Variants in FAM200B observed in about 807,000 individuals in gnomAD.
FAM200B encodes the protein zinc finger BED-type containing 11, also known as protein FAM200B.
Under a neutral mutation model 33.1 loss-of-function variants are expected in FAM200B, and 32 were observed. That is an observed-to-expected ratio of 0.97 (90% confidence interval 0.73 to 1.30). The LOEUF (loss-of-function observed/expected upper bound fraction) is 1.30, where lower values mean the gene tolerates loss of function less well. FAM200B is among the 50% of genes most tolerant of loss of function. FAM200B has a pLI of 0.00. For synonymous variants in FAM200B, 240 were observed against 264.8 expected, an observed-to-expected ratio of 0.91 and a Z score of 0.91; for missense variants, 741 against 754.0, an observed-to-expected ratio of 0.98 and a Z score of 0.20.
chr4:15,667,277 C>A, the FAM200B span, among the ~76,000 whole-genome samples: 1 of 152,146 alleles, frequency 6.6e-6, no homozygotes, highest in South Asian at 2.1e-4. Context: ...GTACAAGTAC[C>A]TAGTCCAATG....
chr4:15,664,325 T>C, the FAM200B span, among the ~76,000 whole-genome samples: 4 of 152,020 alleles, frequency 2.6e-5, no homozygotes, highest in African/African-American at 9.7e-5. Flanking sequence ...ATTTCAATCC[T>C]TGCACCAAAC....
At chr4:15,643,906 T>A in the FAM200B span, among the ~76,000 whole-genome samples, 2 of 152,204 alleles carry the variant, frequency 1.3e-5, no homozygotes, top group Non-Finnish European at 2.9e-5. Flanking sequence ...GTGAGTAGCA[T>A]TCATTATAAA....
the FAM200B span, among the ~76,000 whole-genome samples, chr4:15,670,559 T>G: frequency 6.6e-6 from 1 of 152,182 alleles, no homozygotes; most frequent in Non-Finnish European, 1.5e-5. Flanking sequence ...TTCAACAACC[T>G]TTAGCTTTTA....
In FAM200B at chr4:15,687,267, G is replaced by C. The variant is rs1009818963; in HGVS notation, c.290G>C (p.Ser97Thr). 6.5e-7 allele frequency: 1 copy of C among 1,547,856 alleles called. No homozygotes were observed. Among genetic ancestry groups the C allele is most frequent in the Non-Finnish European group, 8.7e-7 (1 of 1,145,646 alleles). Residue 97 changes from serine (S) to threonine (T), a missense_variant, in exon 2 of 2, where the codon AGC becomes ACC. By Grantham distance (58) the Ser-to-Thr change is moderately conservative (BLOSUM62 1). Coordinates refer to ENST00000422728, the MANE Select transcript of FAM200B (RefSeq NM_001145191.2). Reference protein sequence around the residue: ...VICNNILANESLKPSKLKRHL... With the variant: ...VICNNILANETLKPSKLKRHL... ...TGTAATAATATTCTTGCGAATGAAA[G>C]CTTAAAACCTTCGAAATTAAAAAGG...
At chr4:15,638,432 A>G in the FAM200B span, 1 of 1,135,668 alleles carries the variant, frequency 8.8e-7, no homozygotes, top group South Asian at 1.9e-5. Context: ...TCCTCAACCA[A>G]AATCTACAGT....
At chr4:15,671,549 C>T in the FAM200B span, among the ~76,000 whole-genome samples, 2 of 152,174 alleles carry the variant, frequency 1.3e-5, no homozygotes, top group African/African-American at 4.8e-5. Context: ...GTTGGAATTA[C>T]AGGCGTGAGC....
the FAM200B span, among the ~76,000 whole-genome samples, chr4:15,640,394 A>AAG: frequency 8.2e-5 from 1 of 12,174 alleles, no homozygotes; most frequent in Non-Finnish European, 1.8e-4. Flanking sequence ...TACACTACTG[A>AAG]AAAAAAAAAA....
At chr4:15,676,937 G>A (rs1394245216), upstream of FAM200B, among the ~76,000 whole-genome samples, 1 of 152,058 alleles carries the variant, frequency 6.6e-6, no homozygotes, top group Admixed American at 6.6e-5. Flanking sequence ...AGTCACGAAT[G>A]GCCCAATACA....
At chr4:15,643,593 G>C in the FAM200B span, among the ~76,000 whole-genome samples, 1 of 152,080 alleles carries the variant, frequency 6.6e-6, no homozygotes, top group Non-Finnish European at 1.5e-5. Context: ...TTTTAGTAAA[G>C]ACAGGTTTTC....
At chr4:15,657,186 A>C in the FAM200B span, among the ~76,000 whole-genome samples, 4 of 152,084 alleles carry the variant, frequency 2.6e-5, no homozygotes, top group Non-Finnish European at 4.4e-5. Context: ...TCTTTACCTC[A>C]TACTAATCTT....
the FAM200B span, among the ~76,000 whole-genome samples, chr4:15,671,329 C>A: frequency 6.6e-6 from 1 of 152,274 alleles, no homozygotes; most frequent in South Asian, 2.1e-4. Context: ...TAACTTCTTA[C>A]CTTTGTAACT....
At chr4:15,670,985 G>A in the FAM200B span, among the ~76,000 whole-genome samples, 2 of 139,810 alleles carry the variant, frequency 1.4e-5, no homozygotes, top group African/African-American at 5.4e-5. Context: ...ATGCAGTGGC[G>A]TGATCTCGGC....
chr4:15,669,045 A>C, the FAM200B span, among the ~76,000 whole-genome samples: 5 of 152,248 alleles, frequency 3.3e-5, no homozygotes, highest in Admixed American at 3.3e-4. Flanking sequence ...AAGATCGGTT[A>C]GTACAGGATA....
At position 15,686,889 on chromosome 4, in the gene FAM200B, A is replaced by G. The variant is rs576868207; in HGVS notation, c.-89A>G. On this transcript the variant is annotated 5_prime_UTR_variant, in exon 2 of 2. The change abolishes an upstream ATG in the 5' untranslated region. Coordinates refer to ENST00000422728, the MANE Select transcript of FAM200B (RefSeq NM_001145191.2). Reference sequence around the variant, plus strand: ...AACTTTGAGTGTAGTTTTTGAAAAGATGTTATTTAGACTGTATATTTTTTT... The same window carrying G: ...AACTTTGAGTGTAGTTTTTGAAAAGGTGTTATTTAGACTGTATATTTTTTT... 9.4e-4 allele frequency: 580 copies of G among 613,912 alleles called. 5 individuals carry two copies. Among genetic ancestry groups the G allele is most frequent in the Non-Finnish European group, 1.1e-3 (418 of 387,964 alleles). The allele number at this position is 613,912 out of a possible 1,614,324, so 38.0% of individuals were successfully genotyped here.
the FAM200B span, among the ~76,000 whole-genome samples, chr4:15,649,625 T>C: frequency 6.8e-6 from 1 of 147,086 alleles, no homozygotes; most frequent in Non-Finnish European, 1.5e-5. Context: ...AAACAGAATA[T>C]ACACAATTTA....
At chr4:15,653,191 A>C in the FAM200B span, among the ~76,000 whole-genome samples, 1 of 152,186 alleles carries the variant, frequency 6.6e-6, no homozygotes, top group South Asian at 2.1e-4. Context: ...CAATCTCATT[A>C]ACTATATCTA....
chr4:15,676,676 A>G (rs1471815922), upstream of FAM200B, among the ~76,000 whole-genome samples: 1 of 150,766 alleles, frequency 6.6e-6, no homozygotes. Flanking sequence ...GTGTGTGTAT[A>G]TGTGAATGAG....
the FAM200B span, among the ~76,000 whole-genome samples, chr4:15,668,953 C>T: frequency 6.6e-6 from 1 of 152,162 alleles, no homozygotes; most frequent in African/African-American, 2.4e-5. Flanking sequence ...CATTTGGAAG[C>T]AATAGTTACT....
upstream of FAM200B, among the ~76,000 whole-genome samples, chr4:15,677,840 T>C (rs115578993): frequency 3.7e-3 from 562 of 152,318 alleles, 6 homozygotes; most frequent in African/African-American, 0.013. Flanking sequence ...TGCCCAAATA[T>C]GGAGTCAGCC....
Sources: allele counts gnomAD v4.1 joint callset (sites outside exome capture counted in the v4.1 genomes callset), GRCh38; gene constraint gnomAD v4.1.1; transcripts MANE v1.5; gene names NCBI Gene and HGNC (gene_info 2026-07-23, HGNC 2026-07-21).